Variants in MERTK observed in about 807,000 individuals in gnomAD.
MERTK encodes the protein tyrosine-protein kinase Mer.
Under a neutral mutation model 99.3 loss-of-function variants are expected in MERTK, and 69 were observed. The observed-to-expected ratio is 0.70, with a 90% CI of 0.57 to 0.85. The LOEUF is 0.85. MERTK is among the 40% of genes least tolerant of loss of function. The pLI is 0.00. For synonymous variants in MERTK, 426 were observed against 467.6 expected (o/e 0.91, Z 1.15); for missense variants, 1,125 against 1,249.4 (o/e 0.90, Z 1.50).
At chr2:111,969,515 A>G (rs926910660) in intron 6 of MERTK, among the ~76,000 whole-genome samples, 9 of 152,190 alleles carry the variant, frequency 5.9e-5, no homozygotes, top group Admixed American at 3.9e-4. Flanking sequence ...AGTCATGCCA[A>G]CACAGCTCAA....
chr2:111,909,636 T>G (rs1352283615), intron 1 of MERTK, among the ~76,000 whole-genome samples: 1 of 152,182 alleles, frequency 6.6e-6, no homozygotes, highest in Non-Finnish European at 1.5e-5. Context: ...GTTAATCACT[T>G]ATGTCTTTAA....
chr2:112,003,367 C>A (rs4353657), intron 12 of MERTK, 180 bp downstream of exon 12: 288,818 of 495,896 alleles, frequency 0.58, 86,421 homozygotes, highest in Middle Eastern at 0.63. Context: ...AGATCTGGCA[C>A]ATGAAAAGAT....
At chr2:111,922,988 C>T (rs1169463905) in intron 1 of MERTK, among the ~76,000 whole-genome samples, 1 of 152,234 alleles carries the variant, frequency 6.6e-6, no homozygotes, top group Non-Finnish European at 1.5e-5. Flanking sequence ...AATGTCTGAG[C>T]CACTGTAATT....
At chr2:111,968,635 T>C (rs2104725954) in intron 6 of MERTK, among the ~76,000 whole-genome samples, 1 of 152,258 alleles carries the variant, frequency 6.6e-6, no homozygotes. Flanking sequence ...GTTCAAGCAA[T>C]TCTCCTGCCT....
In MERTK at chr2:111,929,327, C is replaced by T; in HGVS notation, c.269C>T (p.Pro90Leu). 3.7e-6 allele frequency: 6 copies of T among 1,614,152 alleles called. No homozygotes were observed. The highest frequency in any genetic ancestry group is 5.1e-6 in the Non-Finnish European group (6 of 1,180,016). Residue 90 changes from proline to leucine, a missense_variant, in exon 2 of 19, where the codon CCC (proline) becomes CTC (leucine). Coordinates refer to ENST00000295408, the MANE Select transcript of MERTK (RefSeq NM_006343.3). ...CAGGTGACCTCTGTCGAATCAAAGC[C>T]CCTACCGCCTCTTGCCTTCAAACAC... ...IPQVTSVESK[P>L]LPPLAFKHTV...
At chr2:111,933,402 C>T (rs114632797) in intron 2 of MERTK, among the ~76,000 whole-genome samples, 2,786 of 152,206 alleles carry the variant, frequency 0.018, 80 homozygotes, top group African/African-American at 0.063. Flanking sequence ...CTGGAGTTGC[C>T]ATTAGCGACA....
chr2:111,951,033 G>T (rs1014424831), intron 4 of MERTK, among the ~76,000 whole-genome samples: 1 of 150,742 alleles, frequency 6.6e-6, no homozygotes, highest in Admixed American at 6.7e-5. Context: ...TGTACTTAAG[G>T]TATACAATGT....
intron 16 of MERTK, among the ~76,000 whole-genome samples, chr2:112,020,018 A>G (rs946686127): frequency 2.6e-5 from 4 of 152,224 alleles, no homozygotes; most frequent in African/African-American, 7.2e-5. Flanking sequence ...TATTTCTTCA[A>G]CCTGCTTCAG....
chr2:111,998,216 C>T (rs1227082719), intron 10 of MERTK, among the ~76,000 whole-genome samples: 1 of 152,164 alleles, frequency 6.6e-6, no homozygotes, highest in Admixed American at 6.5e-5. Context: ...TAAGCCTATT[C>T]TTACAATTGT....
chr2:112,002,214 T>C (rs914732666), intron 11 of MERTK, among the ~76,000 whole-genome samples: 1 of 152,036 alleles, frequency 6.6e-6, no homozygotes, highest in African/African-American at 2.4e-5. Context: ...TACCTTACTA[T>C]ATTATATATT....
At chr2:111,957,388 C>T (rs1361309464) in intron 4 of MERTK, among the ~76,000 whole-genome samples, 1 of 152,076 alleles carries the variant, frequency 6.6e-6, no homozygotes, top group Non-Finnish European at 1.5e-5. Flanking sequence ...TCCCCAGGCC[C>T]CCGAGTATCA....
chr2:111,981,375 C>T (rs568596755), intron 7 of MERTK, among the ~76,000 whole-genome samples: 111 of 152,022 alleles, frequency 7.3e-4, no homozygotes, highest in African/African-American at 2.4e-3. Context: ...TTTCCAGTGA[C>T]GAGGTAGTAA....
chr2:111,982,043 G>A (rs1676383617), intron 7 of MERTK, among the ~76,000 whole-genome samples: 1 of 151,136 alleles, frequency 6.6e-6, no homozygotes, highest in Non-Finnish European at 1.5e-5. Flanking sequence ...TTTACTTTAG[G>A]TGCTCATGAA....
intron 7 of MERTK, among the ~76,000 whole-genome samples, chr2:111,981,152 T>C (rs1248126979): frequency 6.6e-6 from 1 of 152,232 alleles, no homozygotes; most frequent in East Asian, 1.9e-4. Context: ...AAAAGAGGGT[T>C]ATAGTATCCT....
rs904711688 is a variant in MERTK, at chr2:112,022,333, A to T, written c.2425A>T (p.Met809Leu). The T allele has an allele frequency of 1.2e-6, 2 of 1,614,066 alleles. No individual in the cohort carries two copies. The highest frequency in any genetic ancestry group is 1.7e-6 in the Non-Finnish European group (2 of 1,180,038). Reference protein sequence around the residue: ...TPYPGVQNHEMYDYLLHGHRL... With the variant: ...TPYPGVQNHELYDYLLHGHRL... ...CTATCCTGGGGTCCAGAACCATGAG[A>T]TGTATGACTATCTTCTCCATGGCCA... The change falls in exon 18 of 19, where the codon ATG becomes TTG. Residue 809 changes from methionine to leucine, a missense_variant. Coordinates refer to ENST00000295408, the MANE Select transcript of MERTK (RefSeq NM_006343.3).
chr2:111,907,695 A>C (rs535175616), intron 1 of MERTK, among the ~76,000 whole-genome samples: 5 of 152,382 alleles, frequency 3.3e-5, no homozygotes, highest in African/African-American at 1.2e-4. Context: ...CTTCAGGATC[A>C]GGGAGAATGA....
intron 2 of MERTK, among the ~76,000 whole-genome samples, chr2:111,936,547 C>T (rs995553057): frequency 3.3e-5 from 5 of 152,122 alleles, no homozygotes; most frequent in Non-Finnish European, 7.3e-5. Context: ...TAATAATCTC[C>T]CTCTTTTTTT....
At chr2:111,908,725 A>G (rs1183914828) in intron 1 of MERTK, among the ~76,000 whole-genome samples, 1 of 152,202 alleles carries the variant, frequency 6.6e-6, no homozygotes, top group Non-Finnish European at 1.5e-5. Flanking sequence ...TGGCTCCATG[A>G]TAAAGTCAAT....
chr2:112,008,112 G>A (rs2104411370), intron 13 of MERTK, among the ~76,000 whole-genome samples: 1 of 152,100 alleles, frequency 6.6e-6, no homozygotes, highest in African/African-American at 2.4e-5. Flanking sequence ...CAGCTCTGTG[G>A]GTTTTGACAA....
Sources: gnomAD v4.1 joint callset for allele counts (sites outside exome capture counted in the v4.1 genomes callset) on GRCh38, gnomAD v4.1.1 for gene constraint, MANE v1.5 for transcripts, NCBI Gene and HGNC (gene_info 2026-07-23, HGNC 2026-07-21) for gene names.